The following THSD7B variants were observed in gnomAD, a reference collection of about 807,000 sequenced individuals.
THSD7B encodes thrombospondin type-1 domain-containing protein 7B.
THSD7B carries 138 observed loss-of-function variants against 213.6 expected under a neutral mutation model. That is an observed-to-expected ratio of 0.65 (90% confidence interval 0.56 to 0.74). THSD7B has a LOEUF of 0.74. THSD7B is among the 30% of genes least tolerant of loss of function. THSD7B has a pLI of 0.00. For missense variants in THSD7B, 1,931 were observed against 1,991.5 expected (o/e 0.97, Z 0.58); for synonymous variants, 742 against 687.0 (o/e 1.08, Z -1.25).
intron 12 of THSD7B, among the ~76,000 whole-genome samples, chr2:137,364,605 C>T (rs1481992595): frequency 6.6e-6 from 1 of 152,110 alleles, no homozygotes; most frequent in Non-Finnish European, 1.5e-5. Context: ...CAATGACAAA[C>T]AGAGAGCCAA....
chr2:137,475,269 T>C (rs1322093891), intron 15 of THSD7B, among the ~76,000 whole-genome samples: 1 of 152,200 alleles, frequency 6.6e-6, no homozygotes, highest in Non-Finnish European at 1.5e-5. Flanking sequence ...GCATAGAATG[T>C]GTAATAATCA....
intron 2 of THSD7B, among the ~76,000 whole-genome samples, chr2:136,954,714 C>CAAAAAAAAAAAAAAAAAAA (rs11378111): frequency 1.5e-4 from 13 of 89,398 alleles, no homozygotes; most frequent in African/African-American, 7.3e-4. Flanking sequence ...GACTCTGTCT[C>CAAAAAAAAAAAAAAAAAAA]AAAAAAAAAA....
intron 1 of THSD7B, among the ~76,000 whole-genome samples, chr2:136,797,034 A>G (rs1200569276): frequency 6.6e-6 from 1 of 151,176 alleles, no homozygotes; most frequent in Non-Finnish European, 1.5e-5. Flanking sequence ...CTGAAGACTC[A>G]TTTGTTTTTG....
chr2:136,857,744 C>G, intron 1 of THSD7B, among the ~76,000 whole-genome samples: 1 of 152,188 alleles, frequency 6.6e-6, no homozygotes, highest in South Asian at 2.1e-4. Context: ...TAAATTCATA[C>G]ATGACTACTC....
chr2:137,100,488 G>C (rs555891438), intron 4 of THSD7B, among the ~76,000 whole-genome samples: 15 of 151,966 alleles, frequency 9.9e-5, no homozygotes, highest in Non-Finnish European at 2.2e-4. Context: ...AGATGGCCCA[G>C]AACACGACAA....
intron 1 of THSD7B, among the ~76,000 whole-genome samples, chr2:136,822,792 C>T (rs1233154621): frequency 6.6e-6 from 1 of 152,194 alleles, no homozygotes; most frequent in Admixed American, 6.5e-5. Context: ...TACCTGCATT[C>T]ATCATGACTC....
intron 2 of THSD7B, among the ~76,000 whole-genome samples, chr2:137,015,262 C>T (rs919235296): frequency 1.3e-5 from 2 of 151,982 alleles, no homozygotes; most frequent in African/African-American, 4.8e-5. Context: ...AGAAATATGG[C>T]CTTCATTTAT....
intron 1 of THSD7B, among the ~76,000 whole-genome samples, chr2:136,829,416 G>A (rs1358282859): frequency 6.6e-6 from 1 of 152,034 alleles, no homozygotes; most frequent in Non-Finnish European, 1.5e-5. Flanking sequence ...CTTCTCTGTG[G>A]GAGCTTTCTG....
At chr2:137,266,180 A>T (rs531058775) in intron 10 of THSD7B, among the ~76,000 whole-genome samples, 1 of 152,266 alleles carries the variant, frequency 6.6e-6, no homozygotes, top group South Asian at 2.1e-4. Flanking sequence ...AATTCCTTGC[A>T]TCTGGCAATG....
intron 7 of THSD7B, among the ~76,000 whole-genome samples, chr2:137,184,438 G>A (rs953875605): frequency 3.3e-5 from 5 of 152,008 alleles, no homozygotes; most frequent in African/African-American, 1.2e-4. Flanking sequence ...AATAAGGGAG[G>A]GTTAAGACAT....
At chr2:136,772,484 T>C (rs1681525479) in intron 1 of THSD7B, among the ~76,000 whole-genome samples, 1 of 152,166 alleles carries the variant, frequency 6.6e-6, no homozygotes, top group African/African-American at 2.4e-5. Flanking sequence ...ATTGGAAAAT[T>C]CAGAAAAGAC....
At chr2:137,278,744 G>A (rs767553704) in intron 12 of THSD7B, among the ~76,000 whole-genome samples, 5 of 152,082 alleles carry the variant, frequency 3.3e-5, no homozygotes, top group Non-Finnish European at 5.9e-5. Context: ...ACAATAGAAA[G>A]AATAGAGGAC....
chr2:137,237,743 G>A (rs1324522981), intron 9 of THSD7B, among the ~76,000 whole-genome samples: 2 of 152,206 alleles, frequency 1.3e-5, no homozygotes, highest in Non-Finnish European at 2.9e-5. Context: ...ATGAGAAAAT[G>A]TATGGAAATT....
intron 1 of THSD7B, among the ~76,000 whole-genome samples, chr2:136,867,632 A>G (rs1383545482): frequency 6.6e-6 from 1 of 152,230 alleles, no homozygotes; most frequent in South Asian, 2.1e-4. Context: ...CTTTCTGCTG[A>G]TGGAAAGTTC....
intron 5 of THSD7B, among the ~76,000 whole-genome samples, chr2:137,153,150 A>T (rs953405527): frequency 6.6e-6 from 1 of 152,134 alleles, no homozygotes; most frequent in African/African-American, 2.4e-5. Flanking sequence ...TTTTTCCTTA[A>T]TTATGTAATT....
At chr2:137,430,453 T>C (rs1687151187) in intron 14 of THSD7B, among the ~76,000 whole-genome samples, 1 of 152,182 alleles carries the variant, frequency 6.6e-6, no homozygotes, top group Non-Finnish European at 1.5e-5. Flanking sequence ...CACTTTTTAC[T>C]CTGGTGAAGT....
At chr2:137,136,999 A>T (rs537721296) in intron 5 of THSD7B, among the ~76,000 whole-genome samples, 1 of 152,322 alleles carries the variant, frequency 6.6e-6, no homozygotes, top group African/African-American at 2.4e-5. Context: ...ATTTGTCCTG[A>T]GATGACAGTT....
At chr2:137,552,124 C>T (rs1363617323) in intron 15 of THSD7B, among the ~76,000 whole-genome samples, 2 of 152,138 alleles carry the variant, frequency 1.3e-5, no homozygotes, top group Admixed American at 6.6e-5. Flanking sequence ...AGGTAGTTTA[C>T]TGAAAGACTT....
intron 2 of THSD7B, among the ~76,000 whole-genome samples, chr2:137,014,712 C>T (rs1480420282): frequency 1.3e-5 from 2 of 152,194 alleles, no homozygotes; most frequent in African/African-American, 4.8e-5. Flanking sequence ...ACATGAGCTG[C>T]TCTCTCAGTT....
Sources: allele counts gnomAD v4.1 joint callset (sites outside exome capture counted in the v4.1 genomes callset), GRCh38; gene constraint gnomAD v4.1.1; transcripts MANE v1.5; gene names NCBI Gene and HGNC (gene_info 2026-07-23, HGNC 2026-07-21).